Variants in CSMD3 observed in about 807,000 individuals in gnomAD.
CSMD3 encodes the protein CUB and Sushi multiple domains 3, also known as CUB and sushi domain-containing protein 3.
CSMD3 carries 177 observed loss-of-function variants against 435.2 expected under a neutral mutation model. That is an observed-to-expected ratio of 0.41 (90% CI 0.36 to 0.46). The LOEUF (loss-of-function observed/expected upper bound fraction) is 0.46, where lower values mean the gene tolerates loss of function less well. Ranked by LOEUF, CSMD3 falls within the 20% of genes least tolerant of loss-of-function variation. CSMD3 has a pLI of 0.34. For synonymous variants in CSMD3, 1,656 were observed against 1,520.5 expected (o/e 1.09, Z -2.07); for missense variants, 4,265 against 4,504.6 (o/e 0.95, Z 1.52).
intron 19 of CSMD3, 141 bp from the exon 20 acceptor site, chr8:112,645,366 C>A: frequency 1.4e-6 from 1 of 699,280 alleles, no homozygotes; most frequent in Middle Eastern, 3.1e-4. Flanking sequence ...GTGCATGCAG[C>A]ACTAGAGAAG....
intron 44 of CSMD3, among the ~76,000 whole-genome samples, chr8:112,336,342 C>G (rs1824551797): frequency 6.6e-6 from 1 of 152,094 alleles, no homozygotes; most frequent in Admixed American, 6.6e-5. Flanking sequence ...AAGTAGAGAA[C>G]TTCCATACCT....
intron 5 of CSMD3, among the ~76,000 whole-genome samples, chr8:113,094,096 C>A (rs943851480): frequency 6.6e-6 from 1 of 152,030 alleles, no homozygotes; most frequent in Admixed American, 6.6e-5. Flanking sequence ...ATCTTCTGGG[C>A]CCAATGTATT....
At chr8:113,145,953 T>C (rs910224496) in intron 4 of CSMD3, among the ~76,000 whole-genome samples, 3 of 151,710 alleles carry the variant, frequency 2.0e-5, no homozygotes, top group South Asian at 2.1e-4. Flanking sequence ...TATTAACTCT[T>C]TCAATAAGCA....
intron 1 of CSMD3, among the ~76,000 whole-genome samples, chr8:113,421,553 T>C (rs934578917): frequency 6.6e-6 from 1 of 152,130 alleles, no homozygotes; most frequent in Non-Finnish European, 1.5e-5. Flanking sequence ...GTCAACTGTG[T>C]TTTTTTGGGA....
intron 16 of CSMD3, among the ~76,000 whole-genome samples, chr8:112,666,897 T>C (rs1056991497): frequency 6.6e-6 from 1 of 152,200 alleles, no homozygotes; most frequent in African/African-American, 2.4e-5. Context: ...CTATTTTCTT[T>C]CTTACTTTAG....
At chr8:113,069,837 C>A (rs2089027121) in intron 5 of CSMD3, among the ~76,000 whole-genome samples, 1 of 152,034 alleles carries the variant, frequency 6.6e-6, no homozygotes, top group African/African-American at 2.4e-5. Flanking sequence ...CTTGCTGTAT[C>A]CACCTGCTTC....
intron 38 of CSMD3, among the ~76,000 whole-genome samples, chr8:112,361,584 T>C (rs1030147317): frequency 0.015 from 386 of 26,228 alleles, 15 homozygotes; most frequent in Middle Eastern, 0.028. Flanking sequence ...TATATATATA[T>C]ATATATATAT....
intron 3 of CSMD3, among the ~76,000 whole-genome samples, chr8:113,197,416 A>G (rs1034320308): frequency 6.6e-6 from 1 of 151,224 alleles, no homozygotes; most frequent in Non-Finnish European, 1.5e-5. Flanking sequence ...ACAGTTCTGT[A>G]CTAGACAGTG....
intron 11 of CSMD3, among the ~76,000 whole-genome samples, chr8:112,849,908 T>A (rs943138508): frequency 5.9e-5 from 9 of 152,072 alleles, no homozygotes; most frequent in African/African-American, 2.2e-4. Context: ...CAGTGATGAC[T>A]GTAAGAGTCA....
intron 5 of CSMD3, among the ~76,000 whole-genome samples, chr8:113,035,363 A>G (rs1246665884): frequency 6.6e-6 from 1 of 151,988 alleles, no homozygotes; most frequent in Non-Finnish European, 1.5e-5. Context: ...GAATCTCAAA[A>G]GGATTATAAG....
At chr8:113,393,290 C>T (rs949985501) in intron 1 of CSMD3, among the ~76,000 whole-genome samples, 1 of 151,920 alleles carries the variant, frequency 6.6e-6, no homozygotes, top group Non-Finnish European at 1.5e-5. Context: ...CTTTTGATCT[C>T]CTGTTTACTG....
chr8:113,017,892 A>G (rs1282561237), intron 6 of CSMD3, among the ~76,000 whole-genome samples: 2 of 151,996 alleles, frequency 1.3e-5, no homozygotes, highest in African/African-American at 4.8e-5. Flanking sequence ...ATGAAAGTTT[A>G]TTTTTGAACT....
At chr8:112,961,194 T>A (rs558158415) in intron 7 of CSMD3, among the ~76,000 whole-genome samples, 1 of 151,808 alleles carries the variant, frequency 6.6e-6, no homozygotes, top group African/African-American at 2.4e-5. Flanking sequence ...GCCATTCTGA[T>A]TTGTGATGCA....
At chr8:112,838,179 G>A (rs747649264) in intron 11 of CSMD3, among the ~76,000 whole-genome samples, 79 of 151,772 alleles carry the variant, frequency 5.2e-4, no homozygotes, top group Non-Finnish European at 9.6e-4. Context: ...GTGGAGTTGG[G>A]AACTGGGAAA....
intron 31 of CSMD3, among the ~76,000 whole-genome samples, chr8:112,476,623 T>C (rs1343264730): frequency 2.0e-5 from 3 of 152,202 alleles, no homozygotes; most frequent in Non-Finnish European, 1.5e-5. Context: ...AATGTTTATG[T>C]AATTGATAAT....
chr8:113,415,952 C>T (rs1159448183), intron 1 of CSMD3, among the ~76,000 whole-genome samples: 2 of 152,026 alleles, frequency 1.3e-5, no homozygotes, highest in Non-Finnish European at 2.9e-5. Flanking sequence ...GCTATACACT[C>T]TTCATGTTTG....
At chr8:113,189,635 C>A (rs1377521219) in intron 3 of CSMD3, among the ~76,000 whole-genome samples, 1 of 151,772 alleles carries the variant, frequency 6.6e-6, no homozygotes, top group African/African-American at 2.4e-5. Flanking sequence ...CATGCAAAGT[C>A]TATAATGGTA....
chr8:113,388,811 C>T (rs1326266152), intron 1 of CSMD3, among the ~76,000 whole-genome samples: 1 of 151,416 alleles, frequency 6.6e-6, no homozygotes, highest in East Asian at 1.9e-4. Flanking sequence ...ATTTCTATTT[C>T]AAAAATATTT....
chr8:113,391,111 T>C (rs2094459513), intron 1 of CSMD3, among the ~76,000 whole-genome samples: 1 of 151,936 alleles, frequency 6.6e-6, no homozygotes. Context: ...GCATATCCCA[T>C]TAGAATTATA....
Sources: gnomAD v4.1 joint callset for allele counts (sites outside exome capture counted in the v4.1 genomes callset) on GRCh38, gnomAD v4.1.1 for gene constraint, MANE v1.5 for transcripts, NCBI Gene and HGNC (gene_info 2026-07-23, HGNC 2026-07-21) for gene names.